Variants in GALNT16 observed in about 807,000 individuals in gnomAD.
GALNT16 encodes the protein polypeptide N-acetylgalactosaminyltransferase 16.
GALNT16 carries 40 observed loss-of-function variants against 76.1 expected under a neutral mutation model. The ratio of observed to expected loss-of-function variants is 0.53; its 90% confidence interval spans 0.41 to 0.68. The LOEUF (loss-of-function observed/expected upper bound fraction) is 0.68, where lower values mean the gene tolerates loss of function less well. Among genes scored for constraint, GALNT16 ranks in the 30% least tolerant of loss-of-function variants. The pLI is 0.00. For synonymous variants in GALNT16, 276 were observed against 285.2 expected, an observed-to-expected ratio of 0.97 and a Z score of 0.32; for missense variants, 621 against 731.9, an observed-to-expected ratio of 0.85 and a Z score of 1.75.
the GALNT16 span, among the ~76,000 whole-genome samples, chr14:69,370,475 G>T: frequency 2.6e-5 from 4 of 152,188 alleles, no homozygotes; most frequent in Non-Finnish European, 5.9e-5. Context: ...TCTTAGAAGT[G>T]TTCCTACTGG....
At position 69,260,276 on chromosome 14, in the gene GALNT16, G is replaced by T. The variant is rs754308528; in HGVS notation, c.-15G>T. ...GCCGGCCCAGTCCCCCACCTGGGGC[G>T]CCCGTCTGCCCACCATGAGGAAGAT... On this transcript the variant is annotated 5_prime_UTR_variant, in exon 1 of 15. Coordinates refer to ENST00000448469, the MANE Select transcript of GALNT16 (RefSeq NM_001168368.2). The T allele has an allele frequency of 3.7e-6, 6 of 1,610,866 alleles. No homozygotes were observed. Among genetic ancestry groups the T allele is most frequent in the Non-Finnish European group, 5.1e-6 (6 of 1,178,398 alleles).
the GALNT16 span, among the ~76,000 whole-genome samples, chr14:69,377,445 G>A: frequency 6.6e-6 from 1 of 152,230 alleles, no homozygotes; most frequent in East Asian, 1.9e-4. Flanking sequence ...TTCCTAGGCA[G>A]TAAAATGCTA....
At chr14:69,298,366 A>G (rs1172356896) in intron 1 of GALNT16, among the ~76,000 whole-genome samples, 1 of 152,236 alleles carries the variant, frequency 6.6e-6, no homozygotes, top group Non-Finnish European at 1.5e-5. Flanking sequence ...TGGAGTGGGT[A>G]AGGAGGTGTT....
intron 1 of GALNT16, 77 bp downstream of exon 1, chr14:69,260,544 C>A: frequency 9.3e-7 from 1 of 1,074,396 alleles, no homozygotes; most frequent in Non-Finnish European, 1.2e-6. Flanking sequence ...CGGCCGAGGG[C>A]GCGGGGCCCG....
chr14:69,284,630 T>C (rs965593410), intron 1 of GALNT16, among the ~76,000 whole-genome samples: 1 of 152,172 alleles, frequency 6.6e-6, no homozygotes, highest in Non-Finnish European at 1.5e-5. Flanking sequence ...TGAATTCTGG[T>C]TCCACAACTT....
chr14:69,300,165 G>A (rs1156735992), intron 1 of GALNT16, among the ~76,000 whole-genome samples: 1 of 152,194 alleles, frequency 6.6e-6, no homozygotes, highest in Non-Finnish European at 1.5e-5. Flanking sequence ...TAACCACTGG[G>A]TGAACCCCTC....
intron 1 of GALNT16, among the ~76,000 whole-genome samples, chr14:69,302,347 G>A (rs1454903962): frequency 6.6e-6 from 1 of 152,122 alleles, no homozygotes; most frequent in East Asian, 1.9e-4. Context: ...TTTCTCCAGT[G>A]TGTTTGATGT....
chr14:69,379,519 A>C, the GALNT16 span, among the ~76,000 whole-genome samples: 1 of 152,188 alleles, frequency 6.6e-6, no homozygotes. Flanking sequence ...AAAACTTTCA[A>C]TCTTATGCTG....
At chr14:69,322,471 G>T (rs2045202642) in intron 2 of GALNT16, among the ~76,000 whole-genome samples, 1 of 152,216 alleles carries the variant, frequency 6.6e-6, no homozygotes, top group Non-Finnish European at 1.5e-5. Context: ...AACCGCCTCA[G>T]GTGCTCACTG....
chr14:69,277,670 G>A (rs2044489813), intron 1 of GALNT16, among the ~76,000 whole-genome samples: 1 of 152,166 alleles, frequency 6.6e-6, no homozygotes, highest in Admixed American at 6.5e-5. Context: ...TGTGATTAGT[G>A]CCACAATAAA....
At chr14:69,342,476 GGGA>G (rs1414391718) in intron 12 of GALNT16, among the ~76,000 whole-genome samples, 4 of 32,960 alleles carry the variant, frequency 1.2e-4, no homozygotes, top group African/African-American at 3.6e-4. Flanking sequence ...AAGGAAGGAA[GGGA>G]GGGAGGGAGG....
intron 6 of GALNT16, among the ~76,000 whole-genome samples, chr14:69,329,951 C>A (rs2045332454): frequency 6.6e-6 from 1 of 152,012 alleles, no homozygotes; most frequent in Non-Finnish European, 1.5e-5. Context: ...GGATAAATAC[C>A]CAAACCATAT....
chr14:69,377,825 AAAAAAAAAAAGAACATG>A, the GALNT16 span, among the ~76,000 whole-genome samples: 1 of 149,982 alleles, frequency 6.7e-6, no homozygotes, highest in African/African-American at 2.5e-5. Flanking sequence ...AAAAAAAAAA[AAAAAAAAAAAGAACATG>A]AACATAAAAG....
intron 1 of GALNT16, among the ~76,000 whole-genome samples, chr14:69,292,389 C>T (rs2044697911): frequency 6.6e-6 from 1 of 152,224 alleles, no homozygotes; most frequent in Admixed American, 6.5e-5. Context: ...ATGCTGCTGC[C>T]CCTGCTGGGC....
intron 1 of GALNT16, among the ~76,000 whole-genome samples, chr14:69,311,973 C>A (rs1306950235): frequency 6.6e-6 from 1 of 150,626 alleles, no homozygotes; most frequent in Non-Finnish European, 1.5e-5. Flanking sequence ...GAGGCCAAGG[C>A]AGGAGGATGG....
At chr14:69,260,136 A>ACACCCCCCC, upstream of GALNT16, 5 of 113,994 alleles carry the variant, frequency 4.4e-5, 1 homozygote, top group Non-Finnish European at 8.9e-5. Context: ...TCTCCCTATC[A>ACACCCCCCC]CCCCCCCGCC....
At chr14:69,285,762 T>A (rs551424656) in intron 1 of GALNT16, among the ~76,000 whole-genome samples, 25 of 152,072 alleles carry the variant, frequency 1.6e-4, no homozygotes, top group Non-Finnish European at 3.2e-4. Context: ...TGAGCCCCCC[T>A]CTCCATCTGT....
chr14:69,372,819 T>C, the GALNT16 span, among the ~76,000 whole-genome samples: 1 of 152,238 alleles, frequency 6.6e-6, no homozygotes, highest in African/African-American at 2.4e-5. Flanking sequence ...TAAGCATTTG[T>C]CCTCAACAGC....
At chr14:69,260,752 C>T (rs1228378755) in intron 1 of GALNT16, among the ~76,000 whole-genome samples, 2 of 151,910 alleles carry the variant, frequency 1.3e-5, no homozygotes, top group East Asian at 3.9e-4. Flanking sequence ...CGTGGCGGCT[C>T]TCCCGGCTCT....
Sources: gnomAD v4.1 joint callset for allele counts (sites outside exome capture counted in the v4.1 genomes callset) on GRCh38, gnomAD v4.1.1 for gene constraint, MANE v1.5 for transcripts, NCBI Gene and HGNC (gene_info 2026-07-23, HGNC 2026-07-21) for gene names.